Variants in ADORA2B observed in about 807,000 individuals in gnomAD.
The protein encoded by ADORA2B is adenosine receptor A2b.
A neutral mutation model predicts 20.8 loss-of-function variants in ADORA2B; 18 were observed. The ratio of observed to expected loss-of-function variants is 0.87; its 90% CI spans 0.60 to 1.29. The LOEUF is 1.29. Among genes scored for constraint, ADORA2B ranks in the 50% most tolerant of loss-of-function variants. The pLI is 0.00. For synonymous variants in ADORA2B, 179 were observed against 178.3 expected (o/e 1.00, Z -0.03); for missense variants, 441 against 422.7 (o/e 1.04, Z -0.38).
the ADORA2B span, among the ~76,000 whole-genome samples, chr17:15,902,498 G>A: frequency 6.6e-6 from 1 of 152,124 alleles, no homozygotes; most frequent in African/African-American, 2.4e-5. Flanking sequence ...GCGCTGGGTC[G>A]CTTCCTTTTT....
chr17:15,917,970 C>G, the ADORA2B span, among the ~76,000 whole-genome samples: 25 of 152,372 alleles, frequency 1.6e-4, no homozygotes, highest in African/African-American at 5.8e-4. Flanking sequence ...CTGTCCTCCT[C>G]CGTATCCTTG....
chr17:15,938,268 T>G, the ADORA2B span, among the ~76,000 whole-genome samples: 1 of 152,170 alleles, frequency 6.6e-6, no homozygotes, highest in Non-Finnish European at 1.5e-5. Flanking sequence ...TATCAAATTT[T>G]TTCATTAAAT....
intron 1 of ADORA2B, among the ~76,000 whole-genome samples, chr17:15,956,147 A>G (rs1969963358): frequency 6.6e-6 from 1 of 152,126 alleles, no homozygotes; most frequent in Admixed American, 6.6e-5. Flanking sequence ...TTTCAATACA[A>G]TTTTAGCATT....
chr17:15,966,258 G>A (rs2151606022), intron 1 of ADORA2B, among the ~76,000 whole-genome samples: 1 of 152,328 alleles, frequency 6.6e-6, no homozygotes, highest in South Asian at 2.1e-4. Flanking sequence ...CATTTACTTA[G>A]CAATCTGCAT....
chr17:15,887,764 G>A, the ADORA2B span, among the ~76,000 whole-genome samples: 3 of 124,310 alleles, frequency 2.4e-5, 1 homozygote, highest in Non-Finnish European at 5.0e-5. Context: ...TGGCTAACAC[G>A]GTGAAACCAC....
the ADORA2B span, among the ~76,000 whole-genome samples, chr17:15,851,857 TGATAG>T: frequency 6.6e-6 from 1 of 152,178 alleles, no homozygotes; most frequent in Non-Finnish European, 1.5e-5. Context: ...TTGAAAAACT[TGATAG>T]ACACATTGCC....
At chr17:15,909,110 A>T in the ADORA2B span, among the ~76,000 whole-genome samples, 1 of 152,056 alleles carries the variant, frequency 6.6e-6, no homozygotes, top group South Asian at 2.1e-4. Flanking sequence ...GACTGCTTGT[A>T]TCCGGGAGTT....
chr17:15,951,692 A>G (rs901177165), intron 1 of ADORA2B, among the ~76,000 whole-genome samples: 2 of 152,180 alleles, frequency 1.3e-5, no homozygotes, highest in Admixed American at 6.5e-5. Flanking sequence ...GGGTAATTCA[A>G]TCCAGAGGAT....
chr17:15,906,714 A>C, the ADORA2B span, among the ~76,000 whole-genome samples: 1,240 of 152,334 alleles, frequency 8.1e-3, 14 homozygotes, highest in African/African-American at 0.029. Flanking sequence ...TCACAAGTGC[A>C]GTCATATAGG....
the ADORA2B span, among the ~76,000 whole-genome samples, chr17:15,936,157 T>G: frequency 6.6e-6 from 1 of 152,142 alleles, no homozygotes; most frequent in Non-Finnish European, 1.5e-5. Context: ...GTGATGGGAT[T>G]ACAGGCATGA....
At chr17:15,915,356 T>C in the ADORA2B span, among the ~76,000 whole-genome samples, 11 of 152,290 alleles carry the variant, frequency 7.2e-5, no homozygotes, top group African/African-American at 2.6e-4. Context: ...TATTGCAAGG[T>C]CTCTAACCTT....
At chr17:15,950,992 C>T (rs752221926) in intron 1 of ADORA2B, among the ~76,000 whole-genome samples, 8 of 152,220 alleles carry the variant, frequency 5.3e-5, no homozygotes, top group African/African-American at 1.2e-4. Context: ...CAGGATGCAG[C>T]GCGATGCCGG....
At chr17:15,869,430 C>G in the ADORA2B span, among the ~76,000 whole-genome samples, 1 of 151,914 alleles carries the variant, frequency 6.6e-6, no homozygotes, top group Admixed American at 6.6e-5. Context: ...GCAGGATTCA[C>G]AAGTATTTAT....
At chr17:15,863,289 A>C in the ADORA2B span, among the ~76,000 whole-genome samples, 24 of 152,284 alleles carry the variant, frequency 1.6e-4, no homozygotes, top group South Asian at 3.5e-3. Flanking sequence ...CATTGAGATA[A>C]AGCAATGGCA....
the ADORA2B span, among the ~76,000 whole-genome samples, chr17:15,920,714 C>T: frequency 2.9e-5 from 4 of 136,882 alleles, no homozygotes; most frequent in African/African-American, 1.1e-4. Context: ...AGGGAGACTC[C>T]GTCTCAAAAA....
At chr17:15,899,718 G>A in the ADORA2B span, among the ~76,000 whole-genome samples, 1 of 151,816 alleles carries the variant, frequency 6.6e-6, no homozygotes, top group African/African-American at 2.4e-5. Flanking sequence ...TTTCTATGTG[G>A]GTTAGCTTAG....
chr17:15,972,408 ATACAT>A (rs1597432147), intron 1 of ADORA2B, among the ~76,000 whole-genome samples: 1 of 152,246 alleles, frequency 6.6e-6, no homozygotes, highest in African/African-American at 2.4e-5. Flanking sequence ...CATTTACTTA[ATACAT>A]TACATTGATT....
In ADORA2B at chr17:15,974,778, C is replaced by G; in HGVS notation, c.435C>G (p.Asn145Lys). Residue 145 changes from asparagine to lysine, a missense_variant, in exon 2 of 2, where the codon AAC becomes AAG. Asn to Lys is a moderately conservative substitution (Grantham distance 94). Coordinates refer to ENST00000304222, the MANE Select transcript of ADORA2B (RefSeq NM_000676.4). Reference sequence around the variant, plus strand: ...GATTGACTCCATTCCTGGGGTGGAACAGTAAAGACAGTGCCACCAACAACT... The same window carrying G: ...GATTGACTCCATTCCTGGGGTGGAAGAGTAAAGACAGTGCCACCAACAACT... ...GIGLTPFLGW[N>K]SKDSATNNCT... The G allele has an allele frequency of 1.2e-6, 2 of 1,613,798 alleles. No individual in the cohort carries two copies. The highest frequency in any genetic ancestry group is 1.7e-6 in the Non-Finnish European group (2 of 1,179,962).
the ADORA2B span, among the ~76,000 whole-genome samples, chr17:15,904,399 T>TC: frequency 6.7e-6 from 1 of 149,572 alleles, no homozygotes; most frequent in East Asian, 1.9e-4. Flanking sequence ...TGCTTTTTTT[T>TC]TTTTTTTTTT....
Sources: allele counts gnomAD v4.1 joint callset (sites outside exome capture counted in the v4.1 genomes callset), GRCh38; gene constraint gnomAD v4.1.1; transcripts MANE v1.5; gene names NCBI Gene and HGNC (gene_info 2026-07-23, HGNC 2026-07-21).